Variants in ZNF804B observed in about 807,000 individuals in gnomAD.
ZNF804B encodes zinc finger protein 804B.
ZNF804B carries 80 observed loss-of-function variants against 101.4 expected under a neutral mutation model. That is an observed-to-expected ratio of 0.79 (90% CI 0.66 to 0.95). The LOEUF (loss-of-function observed/expected upper bound fraction) is 0.95, where lower values mean the gene tolerates loss of function less well. Ranked by LOEUF, ZNF804B falls within the 40% of genes least tolerant of loss-of-function variation. The pLI is 0.00. For missense variants in ZNF804B, 1,673 were observed against 1,561.9 expected (o/e 1.07, Z -1.20); for synonymous variants, 622 against 558.8 (o/e 1.11, Z -1.59).
intron 1 of ZNF804B, among the ~76,000 whole-genome samples, chr7:88,912,677 C>T (rs1792567577): frequency 6.6e-6 from 1 of 152,190 alleles, no homozygotes; most frequent in Non-Finnish European, 1.5e-5. Flanking sequence ...TAATCCGGCT[C>T]TTCATTTTTC....
At chr7:88,929,192 C>A (rs894502196) in intron 1 of ZNF804B, among the ~76,000 whole-genome samples, 1 of 151,860 alleles carries the variant, frequency 6.6e-6, no homozygotes, top group Non-Finnish European at 1.5e-5. Context: ...AGAAATTTAA[C>A]TCCCAAGCCT....
chr7:88,850,736 C>T (rs1032434762), intron 1 of ZNF804B, among the ~76,000 whole-genome samples: 1 of 152,006 alleles, frequency 6.6e-6, no homozygotes, highest in African/African-American at 2.4e-5. Flanking sequence ...ATAACTTAAA[C>T]ATTTACAATG....
chr7:89,312,139 G>T (rs1436020668), intron 2 of ZNF804B, among the ~76,000 whole-genome samples: 1 of 152,098 alleles, frequency 6.6e-6, no homozygotes, highest in East Asian at 1.9e-4. Context: ...AGCCAGGGAG[G>T]TGACTCTAGT....
At chr7:88,761,502 T>A (rs1301980489) in intron 1 of ZNF804B, among the ~76,000 whole-genome samples, 4 of 152,210 alleles carry the variant, frequency 2.6e-5, no homozygotes, top group African/African-American at 7.2e-5. Flanking sequence ...GTTCCTGCAG[T>A]CTCAGCAAAC....
chr7:88,846,775 CAT>C (rs1791378776), intron 1 of ZNF804B, among the ~76,000 whole-genome samples: 1 of 151,806 alleles, frequency 6.6e-6, no homozygotes, highest in Non-Finnish European at 1.5e-5. Flanking sequence ...GTGAGACTAT[CAT>C]ATATATGTAT....
chr7:89,270,405 G>A (rs1215077303), intron 2 of ZNF804B, among the ~76,000 whole-genome samples: 1 of 152,114 alleles, frequency 6.6e-6, no homozygotes, highest in African/African-American at 2.4e-5. Context: ...TGAGGGCTCT[G>A]TTCTGTCCCA....
chr7:89,269,208 C>T (rs1173567849), intron 2 of ZNF804B, among the ~76,000 whole-genome samples: 1 of 152,090 alleles, frequency 6.6e-6, no homozygotes, highest in Non-Finnish European at 1.5e-5. Context: ...TACTATCCCT[C>T]CCCCTTCCCC....
At chr7:89,062,094 G>A (rs1338434154) in intron 1 of ZNF804B, among the ~76,000 whole-genome samples, 1 of 152,046 alleles carries the variant, frequency 6.6e-6, no homozygotes, top group Non-Finnish European at 1.5e-5. Flanking sequence ...TCTTCCTGAT[G>A]ACCACTACTT....
chr7:89,281,577 C>T (rs1790094978), intron 2 of ZNF804B, among the ~76,000 whole-genome samples: 1 of 152,122 alleles, frequency 6.6e-6, no homozygotes, highest in Non-Finnish European at 1.5e-5. Flanking sequence ...GCCTAGATTA[C>T]TACACAACTC....
chr7:89,171,291 T>TGCTGCTGCTG (rs1562904397), intron 1 of ZNF804B, among the ~76,000 whole-genome samples: 322 of 48,210 alleles, frequency 6.7e-3, no homozygotes, highest in East Asian at 0.011. Context: ...TGCTGCTGCT[T>TGCTGCTGCTG]CTTCTTCTTC....
At chr7:89,159,509 C>A (rs1236250463) in intron 1 of ZNF804B, among the ~76,000 whole-genome samples, 1 of 151,994 alleles carries the variant, frequency 6.6e-6, no homozygotes, top group Non-Finnish European at 1.5e-5. Context: ...GAGAAGAGAG[C>A]AGGGAGAATT....
chr7:88,794,420 G>GA (rs1790439827), intron 1 of ZNF804B: 2 of 1,613,652 alleles, frequency 1.2e-6, no homozygotes, highest in South Asian at 2.2e-5. Context: ...GTTTGTGTGA[G>GA]AAAATCTGTG....
chr7:88,969,091 G>A (rs1436868008), intron 1 of ZNF804B, among the ~76,000 whole-genome samples: 1 of 151,292 alleles, frequency 6.6e-6, no homozygotes, highest in Non-Finnish European at 1.5e-5. Flanking sequence ...TCTATCTCTT[G>A]GTTTTACAGA....
chr7:89,277,485 C>A (rs1262615464), intron 2 of ZNF804B, among the ~76,000 whole-genome samples: 1 of 19,382 alleles, frequency 5.2e-5, no homozygotes, highest in African/African-American at 3.2e-4. Context: ...CCCCTCCCCC[C>A]TCCCCCCTCC....
intron 1 of ZNF804B, among the ~76,000 whole-genome samples, chr7:89,093,682 C>T (rs1041518633): frequency 2.6e-5 from 4 of 152,196 alleles, no homozygotes; most frequent in African/African-American, 4.8e-5. Context: ...GCCAAGAAAA[C>T]GTTCAATCTG....
At chr7:89,237,212 T>A (rs1789297895) in intron 2 of ZNF804B, among the ~76,000 whole-genome samples, 1 of 152,128 alleles carries the variant, frequency 6.6e-6, no homozygotes, top group Admixed American at 6.5e-5. Context: ...GGCCTTGTAA[T>A]TTTCAAAATA....
intron 1 of ZNF804B, among the ~76,000 whole-genome samples, chr7:89,077,086 G>GAAGAGCTATCTACACAGCCA (rs144602940): frequency 2.6e-5 from 4 of 151,948 alleles, no homozygotes; most frequent in Non-Finnish European, 5.9e-5. Flanking sequence ...CAGTGATGAT[G>GAAGAGCTATCTACACAGCCA]ATGTTCCCTT....
intron 1 of ZNF804B, among the ~76,000 whole-genome samples, chr7:89,139,205 A>G (rs1300733773): frequency 6.6e-6 from 1 of 152,166 alleles, no homozygotes; most frequent in Non-Finnish European, 1.5e-5. Context: ...TCTGAAAACA[A>G]TGTAAATATC....
At chr7:89,028,179 T>G (rs1278552537) in intron 1 of ZNF804B, among the ~76,000 whole-genome samples, 2 of 152,112 alleles carry the variant, frequency 1.3e-5, no homozygotes, top group African/African-American at 4.8e-5. Flanking sequence ...ACAAATAATA[T>G]AAATAGTAAG....
Sources: allele counts gnomAD v4.1 joint callset (sites outside exome capture counted in the v4.1 genomes callset), GRCh38; gene constraint gnomAD v4.1.1; transcripts MANE v1.5; gene names NCBI Gene and HGNC (gene_info 2026-07-23, HGNC 2026-07-21).